The following CSMD1 variants were observed in gnomAD, a reference collection of about 807,000 sequenced individuals.
The protein encoded by CSMD1 is CUB and sushi domain-containing protein 1.
In CSMD1, 213 loss-of-function variants were observed where a neutral mutation model predicts 417.5. That is an observed-to-expected ratio of 0.51 (90% confidence interval 0.46 to 0.57). The LOEUF (loss-of-function observed/expected upper bound fraction) is 0.57, where lower values mean the gene tolerates loss of function less well. Ranked by LOEUF, CSMD1 falls within the 20% of genes least tolerant of loss-of-function variation. The probability of loss-of-function intolerance (pLI) is 0.00; values close to 1 mark genes in which losing one functional copy is unlikely to be tolerated. For missense variants in CSMD1, 6,923 were observed against 4,529.7 expected, an observed-to-expected ratio of 1.53 and a Z score of -15.17; for synonymous variants, 2,862 against 1,736.8, an observed-to-expected ratio of 1.65 and a Z score of -16.11.
chr8:3,549,671 T>C (rs1330587713), intron 10 of CSMD1, among the ~76,000 whole-genome samples: 1 of 152,198 alleles, frequency 6.6e-6, no homozygotes, highest in African/African-American at 2.4e-5. Context: ...GAAATCTAGC[T>C]AGCCCCCTTC....
At chr8:4,828,991 C>A (rs192690697) in intron 1 of CSMD1, among the ~76,000 whole-genome samples, 26 of 152,230 alleles carry the variant, frequency 1.7e-4, no homozygotes, top group Admixed American at 1.3e-3. Flanking sequence ...GATTATTTAT[C>A]AAAACTGCAC....
intron 10 of CSMD1, among the ~76,000 whole-genome samples, chr8:3,533,513 G>C (rs963394481): frequency 2.4e-4 from 37 of 152,068 alleles, no homozygotes; most frequent in African/African-American, 8.0e-4. Context: ...ACTTCACTTA[G>C]CATCATGTGA....
intron 5 of CSMD1, among the ~76,000 whole-genome samples, chr8:3,989,991 G>C (rs563079400): frequency 6.6e-6 from 1 of 152,188 alleles, no homozygotes; most frequent in Non-Finnish European, 1.5e-5. Context: ...TGTACAATTG[G>C]AACACGAGGA....
chr8:4,580,802 C>A (rs1799378030), intron 2 of CSMD1, among the ~76,000 whole-genome samples: 1 of 152,152 alleles, frequency 6.6e-6, no homozygotes, highest in Non-Finnish European at 1.5e-5. Context: ...TAATTATATC[C>A]TATCTTAAAA....
At chr8:3,116,503 G>A (rs1028812768) in intron 42 of CSMD1, among the ~76,000 whole-genome samples, 5 of 152,120 alleles carry the variant, frequency 3.3e-5, no homozygotes, top group Admixed American at 3.3e-4. Context: ...GGAGAATGAA[G>A]CCTCAGGCTG....
intron 23 of CSMD1, among the ~76,000 whole-genome samples, chr8:3,314,900 C>G (rs563989719): frequency 1.3e-5 from 2 of 152,194 alleles, no homozygotes; most frequent in South Asian, 4.1e-4. Flanking sequence ...ACAACGAGCT[C>G]ACAGTAATGT....
chr8:4,496,975 C>T (rs991578289), intron 2 of CSMD1, among the ~76,000 whole-genome samples: 6 of 152,030 alleles, frequency 3.9e-5, no homozygotes, highest in Non-Finnish European at 8.8e-5. Context: ...AGCTACAAAA[C>T]GAAAGGGAGA....
intron 3 of CSMD1, among the ~76,000 whole-genome samples, chr8:4,340,301 G>A (rs1194196040): frequency 6.6e-6 from 1 of 151,990 alleles, no homozygotes; most frequent in Admixed American, 6.6e-5. Context: ...GTGTTTGCAA[G>A]GCATCTCCAT....
chr8:4,347,588 G>A (rs181780819), intron 3 of CSMD1, among the ~76,000 whole-genome samples: 23 of 152,300 alleles, frequency 1.5e-4, no homozygotes, highest in Admixed American at 1.3e-4. Context: ...TCGCCAAAGA[G>A]AATGTAGATA....
chr8:4,332,851 C>A (rs1013959499), intron 3 of CSMD1, among the ~76,000 whole-genome samples: 2 of 151,304 alleles, frequency 1.3e-5, no homozygotes, highest in African/African-American at 4.9e-5. Flanking sequence ...AATGTTTTTT[C>A]CCAATCATCT....
At chr8:4,539,743 G>A (rs1240239096) in intron 2 of CSMD1, among the ~76,000 whole-genome samples, 2 of 152,158 alleles carry the variant, frequency 1.3e-5, no homozygotes, top group African/African-American at 2.4e-5. Context: ...GAAACAAAAT[G>A]TTTTATCTTT....
chr8:3,752,622 C>G (rs922228780), intron 6 of CSMD1, among the ~76,000 whole-genome samples: 5 of 147,084 alleles, frequency 3.4e-5, no homozygotes, highest in African/African-American at 1.3e-4. Flanking sequence ...CCACTGCACT[C>G]CAGCCCAGAC....
At chr8:4,343,858 T>C (rs1240705983) in intron 3 of CSMD1, among the ~76,000 whole-genome samples, 1 of 152,166 alleles carries the variant, frequency 6.6e-6, no homozygotes, top group East Asian at 1.9e-4. Flanking sequence ...ACATCTCCTG[T>C]AGCATATGGC....
intron 18 of CSMD1, among the ~76,000 whole-genome samples, chr8:3,381,273 A>G (rs543546296): frequency 9.8e-4 from 149 of 152,252 alleles, no homozygotes; most frequent in African/African-American, 3.0e-3. Flanking sequence ...CCCACATGAA[A>G]AAAAAAAGAG....
chr8:4,051,015 G>A (rs1175385820), intron 3 of CSMD1, among the ~76,000 whole-genome samples: 2 of 152,216 alleles, frequency 1.3e-5, no homozygotes, highest in South Asian at 2.1e-4. Context: ...GGAGGAAGGA[G>A]CCAGAAAACC....
chr8:3,048,405 G>A (rs904518423), intron 50 of CSMD1, among the ~76,000 whole-genome samples: 3 of 152,170 alleles, frequency 2.0e-5, no homozygotes, highest in Non-Finnish European at 4.4e-5. Flanking sequence ...CAATGGAACA[G>A]AATACAGAGC....
chr8:4,594,108 G>A (rs777059703), intron 2 of CSMD1, among the ~76,000 whole-genome samples: 1 of 148,560 alleles, frequency 6.7e-6, no homozygotes, highest in Non-Finnish European at 1.5e-5. Context: ...TATGTGTCAA[G>A]TTTCCCCTTT....
At chr8:4,884,219 GT>G (rs1803583630) in intron 1 of CSMD1, among the ~76,000 whole-genome samples, 1 of 151,840 alleles carries the variant, frequency 6.6e-6, no homozygotes, top group Non-Finnish European at 1.5e-5. Context: ...GTGTGTGTGT[GT>G]GTACACACAC....
intron 7 of CSMD1, among the ~76,000 whole-genome samples, chr8:3,699,887 ATCCCTGGGTT>A (rs1383183682): frequency 7.4e-4 from 97 of 131,258 alleles, no homozygotes; most frequent in African/African-American, 2.6e-3. Context: ...CCATAGCTAC[ATCCCTGGGTT>A]ATATCCCATA....
Sources: allele counts gnomAD v4.1 joint callset (sites outside exome capture counted in the v4.1 genomes callset), GRCh38; gene constraint gnomAD v4.1.1; transcripts MANE v1.5; gene names NCBI Gene and HGNC (gene_info 2026-07-23, HGNC 2026-07-21).